AHR: variants seen among roughly 807,000 people sequenced by gnomAD.
The protein encoded by AHR is aryl hydrocarbon receptor, also known as AH-receptor.
A neutral mutation model predicts 86.8 loss-of-function variants in AHR; 40 were observed. The observed-to-expected ratio is 0.46, with a 90% CI of 0.36 to 0.60. The LOEUF (loss-of-function observed/expected upper bound fraction) is 0.60. Among genes scored for constraint, AHR ranks in the 20% least tolerant of loss-of-function variants. The pLI, the probability that AHR is intolerant of heterozygous loss-of-function variation, is 0.00. For missense variants in AHR, 1,001 were observed against 1,011.6 expected (o/e 0.99, Z 0.14); for synonymous variants, 398 against 354.9 (o/e 1.12, Z -1.37).
intron 6 of AHR, 91 bp downstream of exon 6, chr7:17,330,977 A>G (rs1444198760): frequency 7.2e-7 from 1 of 1,393,850 alleles, no homozygotes; most frequent in Non-Finnish European, 9.8e-7. Flanking sequence ...AATTCAGCAG[A>G]GAACTATTCC....
At chr7:17,319,256 T>G (rs971264410) in intron 2 of AHR, among the ~76,000 whole-genome samples, 1 of 152,120 alleles carries the variant, frequency 6.6e-6, no homozygotes, top group Non-Finnish European at 1.5e-5. Flanking sequence ...AGTGATTGAT[T>G]CCAGGCATTA....
chr7:17,304,995 T>A (rs1781991314), intron 1 of AHR, among the ~76,000 whole-genome samples: 2 of 152,138 alleles, frequency 1.3e-5, no homozygotes, highest in Admixed American at 1.3e-4. Flanking sequence ...CTAGGCCATA[T>A]TTCATTTTCC....
chr7:17,309,283 T>C (rs3802083), intron 1 of AHR, among the ~76,000 whole-genome samples: 91,956 of 152,018 alleles, frequency 0.6, 28,410 homozygotes, highest in Middle Eastern at 0.65. Context: ...CAAAAGTTGC[T>C]GGTAATCACC....
Position 17,322,584 on chromosome 7 carries a change from CAAG to C in AHR, c.341_343del (p.Glu114del). The C allele has an allele frequency of 6.2e-7, 1 of 1,610,164 alleles. No individual in the cohort carries two copies. The highest frequency in any genetic ancestry group is 8.5e-7 in the Non-Finnish European group (1 of 1,176,930). On this transcript the variant is annotated inframe_deletion, in exon 3 of 11. Coordinates refer to ENST00000242057, the MANE Select transcript of AHR (RefSeq NM_001621.5). ...AAATTTCAGAGAAGGCCTGAACTTACAAGAAGGAGAATTCTTATTACAGGTAAA... is the reference window on the plus strand; with the variant it reads ...AAATTTCAGAGAAGGCCTGAACTTACAAGGAGAATTCTTATTACAGGTAAA...
At chr7:17,320,256 G>C (rs1297028100) in intron 2 of AHR, among the ~76,000 whole-genome samples, 2 of 151,690 alleles carry the variant, frequency 1.3e-5, no homozygotes, top group African/African-American at 2.4e-5. Context: ...TTAAAGACAG[G>C]GTCTGACTCA....
At chr7:17,318,497 A>T (rs1562477250) in intron 2 of AHR, among the ~76,000 whole-genome samples, 2 of 152,020 alleles carry the variant, frequency 1.3e-5, no homozygotes, top group Non-Finnish European at 2.9e-5. Context: ...GAAATAGTGG[A>T]AATATTTTGG....
At chr7:17,301,477 C>T (rs1412771455) in intron 1 of AHR, among the ~76,000 whole-genome samples, 1 of 151,886 alleles carries the variant, frequency 6.6e-6, no homozygotes, top group African/African-American at 2.4e-5. Context: ...ACTTTGACCT[C>T]TTAAATGAGA....
intron 3 of AHR, among the ~76,000 whole-genome samples, chr7:17,326,969 AG>A (rs1368132965): frequency 1.3e-5 from 2 of 152,124 alleles, no homozygotes; most frequent in African/African-American, 4.8e-5. Context: ...GTTATCCAAG[AG>A]GAGAATAAAG....
intron 3 of AHR, among the ~76,000 whole-genome samples, chr7:17,324,789 G>A (rs1173382835): frequency 1.3e-5 from 2 of 148,944 alleles, no homozygotes; most frequent in Admixed American, 6.7e-5. Context: ...GTGACAATGC[G>A]AGACTCCATC....
chr7:17,311,065 T>C (rs1782059377), intron 2 of AHR, among the ~76,000 whole-genome samples: 1 of 152,230 alleles, frequency 6.6e-6, no homozygotes, highest in South Asian at 2.1e-4. Context: ...TGATATTTGT[T>C]ACCTTTAAAT....
chr7:17,307,726 C>T (rs902513114), intron 1 of AHR, among the ~76,000 whole-genome samples: 2 of 152,086 alleles, frequency 1.3e-5, no homozygotes, highest in Non-Finnish European at 2.9e-5. Flanking sequence ...CCTGGCATCC[C>T]GGAATCCTAA....
At chr7:17,316,728 A>G (rs1476220742) in intron 2 of AHR, among the ~76,000 whole-genome samples, 1 of 152,130 alleles carries the variant, frequency 6.6e-6, no homozygotes, top group Non-Finnish European at 1.5e-5. Context: ...TACAATTGTC[A>G]TATTTACAGA....
At chr7:17,333,230 G>A (rs1385916124) in intron 6 of AHR, among the ~76,000 whole-genome samples, 1 of 151,946 alleles carries the variant, frequency 6.6e-6, no homozygotes, top group Non-Finnish European at 1.5e-5. Context: ...GTGTATGTCT[G>A]AGGTGGAATA....
At chr7:17,340,290 T>TA in intron 10 of AHR, 62 bp downstream of exon 10, 1 of 1,502,564 alleles carries the variant, frequency 6.7e-7, no homozygotes, top group Non-Finnish European at 8.9e-7. Flanking sequence ...ATAGACATGT[T>TA]ACACATTTTT....
At chr7:17,307,234 C>G (rs1782014926) in intron 1 of AHR, among the ~76,000 whole-genome samples, 1 of 147,588 alleles carries the variant, frequency 6.8e-6, no homozygotes, top group Non-Finnish European at 1.5e-5. Flanking sequence ...TTGTGTCACT[C>G]TCTTCTCTCC....
chr7:17,342,836 T>G (rs1344739830), intron 10 of AHR, 85 bp from the exon 11 acceptor site: 7 of 1,355,998 alleles, frequency 5.2e-6, no homozygotes, highest in Non-Finnish European at 6.1e-6. Flanking sequence ...GGTAAGATTT[T>G]AAAAATACAT....
At chr7:17,312,479 TTTAA>T (rs1353478920) in intron 2 of AHR, among the ~76,000 whole-genome samples, 1 of 152,012 alleles carries the variant, frequency 6.6e-6, no homozygotes, top group East Asian at 1.9e-4. Context: ...TATTTCTATA[TTTAA>T]TGTCTACATT....
At chr7:17,311,428 AC>A (rs1191090070) in intron 2 of AHR, among the ~76,000 whole-genome samples, 1 of 152,224 alleles carries the variant, frequency 6.6e-6, no homozygotes, top group Admixed American at 6.5e-5. Context: ...TGCCTAGACA[AC>A]ACGTTTATGG....
In AHR at chr7:17,339,819, C is replaced by T; in HGVS notation, c.1994C>T (p.Pro665Leu). 1.2e-6 allele frequency: 2 copies of T among 1,614,148 alleles called. No homozygotes were observed. The highest frequency in any genetic ancestry group is 1.7e-6 in the Non-Finnish European group (2 of 1,180,032). The stretch of plus-strand genomic sequence containing the variant: ...AACCAATTCGTGCCTTTCAATTGTC[C>T]ACAGCAAGACCCACAACAATATAAT... ...NSNQFVPFNC[P>L]QQDPQQYNVF... The change falls in exon 10 of 11, where the codon CCA (proline) becomes CTA (leucine). Residue 665 changes from proline (P) to leucine (L), a missense_variant. Pro to Leu is a moderately conservative substitution (Grantham distance 98, BLOSUM62 -3). Coordinates refer to ENST00000242057, the MANE Select transcript of AHR (RefSeq NM_001621.5).
Sources: allele counts gnomAD v4.1 joint callset (sites outside exome capture counted in the v4.1 genomes callset), GRCh38; gene constraint gnomAD v4.1.1; transcripts MANE v1.5; gene names NCBI Gene and HGNC (gene_info 2026-07-23, HGNC 2026-07-21).